PCDHA5: variants seen among roughly 807,000 people sequenced by gnomAD.
The protein encoded by PCDHA5 is protocadherin alpha 5.
PCDHA5 carries 43 observed loss-of-function variants against 61.6 expected under a neutral mutation model. That is an observed-to-expected ratio of 0.70 (90% confidence interval 0.55 to 0.90). The LOEUF is 0.90. PCDHA5 is among the 40% of genes least tolerant of loss of function. PCDHA5 has a pLI of 0.00. For missense variants in PCDHA5, 1,298 were observed against 1,222.7 expected (o/e 1.06, Z -0.92); for synonymous variants, 627 against 543.9 (o/e 1.15, Z -2.13).
At position 140,842,903 on chromosome 5, in the gene PCDHA5, C is replaced by G. The variant is rs2150347593; in HGVS notation, c.2352+18776C>G. The G allele has an allele frequency of 1.9e-5, 31 of 1,594,262 alleles. 5 individuals carry two copies. Among genetic ancestry groups the G allele is most frequent in the African/African-American group, 2.7e-5 (2 of 74,310 alleles). ...GCTGCAGCCGCTGGACCACGAGGAG[C>G]TAGAGCTGCTGCAGTTCCAGGTGAG... On this transcript the variant is annotated intron_variant, in intron 1 of 3. Coordinates refer to ENST00000529859, the MANE Select transcript of PCDHA5 (RefSeq NM_018908.3).
chr5:141,009,562 C>T, intron 3 of PCDHA5, 65 bp from the exon 4 acceptor site: 7 of 1,571,344 alleles, frequency 4.5e-6, no homozygotes, highest in Non-Finnish European at 6.0e-6. Flanking sequence ...CTGTACTCTA[C>T]CAGCAGTGTG....
chr5:140,870,263 C>T (rs1581940012), intron 1 of PCDHA5: 2 of 1,614,182 alleles, frequency 1.2e-6, no homozygotes, highest in East Asian at 4.5e-5. Flanking sequence ...GTGACCTGCT[C>T]GCTGACGCCC....
chr5:140,821,882 A>T lies in PCDHA5; in HGVS notation c.107A>T (p.Glu36Val), dbSNP rs1302736713. Residue 36 changes from glutamate (E) to valine (V), a missense_variant, in exon 1 of 4, where the codon GAG (glutamate) becomes GTG (valine). By Grantham distance (121) the Glu-to-Val change is moderately radical. Transcript: ENST00000529859. ...GSGQLHYSIP[E>V]EAKHGTFVGR... ...GGCCAGCTCCACTACTCGATCCCGG[A>T]GGAAGCCAAACACGGAACCTTCGTT... 2 of 1,614,102 alleles carry T rather than the reference A, an allele frequency of 1.2e-6. No homozygotes were observed. Among genetic ancestry groups the T allele is most frequent in the Admixed American group, 1.7e-5 (1 of 60,006 alleles).
At chr5:140,877,990 T>C in intron 1 of PCDHA5, 1 of 1,127,766 alleles carries the variant, frequency 8.9e-7, no homozygotes. Flanking sequence ...TTTTGAACTT[T>C]TATGTATTTG....
chr5:140,825,205 C>T (rs1768477238), intron 1 of PCDHA5: 1 of 151,526 alleles, frequency 6.6e-6, no homozygotes, highest in South Asian at 2.1e-4. Flanking sequence ...ATTATCATTA[C>T]TGAAGTAGAT....
At chr5:140,856,264 C>G in intron 1 of PCDHA5, 2 of 1,598,114 alleles carry the variant, frequency 1.3e-6, no homozygotes, top group Non-Finnish European at 1.7e-6. Flanking sequence ...GACACGGGGA[C>G]CTTCTGGAGG....
Position 140,940,419 on chromosome 5 carries a change from A to G in PCDHA5, c.2353-38530A>G, listed in dbSNP as rs890018340. Among the ~76,000 whole-genome samples, 3 of 152,002 alleles carry G rather than the reference A, an allele frequency of 2.0e-5. No homozygotes were observed. The East Asian group carries it at 5.8e-4, about 29-fold the overall frequency. ...GTTTTTCATTTTAAAAATTATAATT[A>G]TTACTGATCAAGTCTGCCATGATAT... On this transcript the variant is annotated intron_variant, in intron 1 of 3. Transcript: ENST00000529859.
chr5:140,841,059 A>G, intron 1 of PCDHA5: 1 of 449,736 alleles, frequency 2.2e-6, no homozygotes, highest in Non-Finnish European at 3.9e-6. Context: ...CTATTAAATT[A>G]TGATAAAGAA....
Position 140,823,177 on chromosome 5 carries a change from C to T in PCDHA5, c.1402C>T (p.Pro468Ser), listed in dbSNP as rs2150123173. The T allele has an allele frequency of 2.5e-6, 4 of 1,613,900 alleles. No homozygotes were observed. Among genetic ancestry groups the T allele is most frequent in the Non-Finnish European group, 3.4e-6 (4 of 1,179,876 alleles). Residue 468 changes from proline (P) to serine (S), a missense_variant, in exon 1 of 4, where the codon CCG (proline) becomes TCG (serine). Physicochemically the swap from Pro to Ser is moderately conservative, Grantham distance 74. Coordinates refer to ENST00000529859, the MANE Select transcript of PCDHA5 (RefSeq NM_018908.3). ...QYTVFVKENN[P>S]PGCHIFTVSA... ...TACCGTGTTCGTGAAGGAGAACAAC[C>T]CGCCAGGCTGCCACATCTTCACGGT...
intron 1 of PCDHA5, chr5:140,857,244 CCTA>C (rs782212916): frequency 6.3e-7 from 1 of 1,598,476 alleles, no homozygotes; most frequent in East Asian, 2.2e-5. Flanking sequence ...CTGGTGTCCA[CCTA>C]CAAGAATTAC....
In PCDHA5 at chr5:140,842,635, C is replaced by T. The variant is rs1330338408; in HGVS notation, c.2352+18508C>T. 10 of 1,590,774 alleles carry T rather than the reference C, an allele frequency of 6.3e-6. 1 individual carries two copies. Among genetic ancestry groups the T allele is most frequent in the Non-Finnish European group, 8.6e-6 (10 of 1,163,124 alleles). ...GGGGCTCGCCTTCGCTGTGGGCCAC[C>T]GCCAGCTTGTCTGTGGAGGTGGCCG... On this transcript the variant is annotated intron_variant, in intron 1 of 3. Coordinates refer to ENST00000529859, the MANE Select transcript of PCDHA5 (RefSeq NM_018908.3).
At chr5:140,890,752 G>A (rs2062783323) in intron 1 of PCDHA5, among the ~76,000 whole-genome samples, 1 of 151,990 alleles carries the variant, frequency 6.6e-6, no homozygotes, top group East Asian at 1.9e-4. Context: ...TTTCTGTCAT[G>A]CTTTAAAAAT....
chr5:140,893,656 T>C (rs950016091), intron 1 of PCDHA5, among the ~76,000 whole-genome samples: 1 of 152,222 alleles, frequency 6.6e-6, no homozygotes. Flanking sequence ...CTGATAGTTT[T>C]AAAAAATTTC....
At chr5:140,836,227 C>T in intron 1 of PCDHA5, 2 of 1,613,736 alleles carry the variant, frequency 1.2e-6, no homozygotes, top group South Asian at 1.1e-5. Context: ...CAACCGGTGG[C>T]GGCCGGTGCG....
intron 1 of PCDHA5, chr5:140,827,862 T>A: frequency 1.7e-6 from 1 of 602,860 alleles, no homozygotes; most frequent in Non-Finnish European, 2.9e-6. Context: ...AAATATATGG[T>A]ATAGCACTGT....
At chr5:140,901,405 G>A (rs1366026091) in intron 1 of PCDHA5, among the ~76,000 whole-genome samples, 1 of 152,128 alleles carries the variant, frequency 6.6e-6, no homozygotes, top group Non-Finnish European at 1.5e-5. Flanking sequence ...TGAGAGATAG[G>A]GGTCTAGTTT....
At chr5:140,938,715 C>T (rs138044331) in intron 1 of PCDHA5, among the ~76,000 whole-genome samples, 10 of 152,038 alleles carry the variant, frequency 6.6e-5, no homozygotes, top group African/African-American at 2.4e-4. Flanking sequence ...ATGATAGAAA[C>T]GCGTTTCTAC....
intron 1 of PCDHA5, chr5:140,856,261 G>C (rs782582964): frequency 6.3e-7 from 1 of 1,598,154 alleles, no homozygotes. Context: ...AAAGACACGG[G>C]GACCTTCTGG....
intron 1 of PCDHA5, among the ~76,000 whole-genome samples, chr5:140,855,465 T>G (rs1363813881): frequency 2.0e-5 from 3 of 149,888 alleles, no homozygotes; most frequent in South Asian, 2.1e-4. Context: ...ACCTCACAGA[T>G]AGTTGATGCT....
Sources: gnomAD v4.1 joint callset for allele counts (sites outside exome capture counted in the v4.1 genomes callset) on GRCh38, gnomAD v4.1.1 for gene constraint, MANE v1.5 for transcripts, NCBI Gene and HGNC (gene_info 2026-07-23, HGNC 2026-07-21) for gene names.